Variants in MID1 observed in about 807,000 individuals in gnomAD.
MID1 encodes the protein E3 ubiquitin-protein ligase Midline-1.
Under a neutral mutation model 40.4 loss-of-function variants are expected in MID1, and 7 were observed. The observed-to-expected ratio is 0.17, with a 90% CI of 0.10 to 0.33. The LOEUF (loss-of-function observed/expected upper bound fraction) is 0.33. MID1 is among the 10% of genes least tolerant of loss of function. The pLI is 1.00. For missense variants in MID1, 367 were observed against 558.5 expected, an observed-to-expected ratio of 0.66 and a Z score of 3.46; for synonymous variants, 229 against 221.2, an observed-to-expected ratio of 1.04 and a Z score of -0.31.
At chrX:10,827,136 G>A (rs1019029931) in intron 1 of MID1, among the ~76,000 whole-genome samples, 2 of 111,569 alleles carry the variant, frequency 1.8e-5, no homozygotes, top group Admixed American at 9.5e-5. Flanking sequence ...TAATGCTGAT[G>A]TTTTAGTCAT....
rs757322239 is a variant in MID1, at chrX:10,645,962, G to A, written c.-186-25543C>T. 2.7e-5 allele frequency among the ~76,000 whole-genome samples: 3 copies of A among 111,535 alleles called. No individual in the cohort carries two copies. In the South Asian group the frequency reaches 1.1e-3, roughly 43 times the overall value. ...AACAGGGGAGTTCTGAGACAGATTT[G>A]ATAAGCTCCTCAGAACACTCCCTGG... On this transcript the variant is annotated intron_variant, in intron 1 of 10. Transcript: ENST00000380785.
intron 1 of MID1, among the ~76,000 whole-genome samples, chrX:10,810,646 T>C (rs1242978397): frequency 9.0e-6 from 1 of 110,689 alleles, no homozygotes; most frequent in Non-Finnish European, 1.9e-5. Context: ...CCACCATCAA[T>C]GCATAGAGTT....
intron 1 of MID1, among the ~76,000 whole-genome samples, chrX:10,652,786 C>T (rs1936330198): frequency 9.0e-6 from 1 of 111,522 alleles, no homozygotes; most frequent in Non-Finnish European, 1.9e-5. Flanking sequence ...GCTGTTCTTT[C>T]TGCCCATAGT....
In MID1 at chrX:10,482,946, A is replaced by T. The variant is rs1344597837; in HGVS notation, c.865-318T>A. Among the ~76,000 whole-genome samples, 5 of 112,474 alleles carry T rather than the reference A, an allele frequency of 4.4e-5. No individual in the cohort carries two copies. The Admixed American group carries it at 4.7e-4, about 11-fold the overall frequency. ...CCAGACGTCTTCCCTGGACTATTCCACACAATGACTGCAAGACTGTAGGGA... is the reference window on the plus strand; with the variant it reads ...CCAGACGTCTTCCCTGGACTATTCCTCACAATGACTGCAAGACTGTAGGGA... On this transcript the variant is annotated intron_variant, in intron 4 of 9. Coordinates refer to ENST00000317552, the MANE Select transcript of MID1 (RefSeq NM_000381.4).
chrX:10,785,150 C>A (rs969431462), intron 1 of MID1, among the ~76,000 whole-genome samples: 3 of 111,604 alleles, frequency 2.7e-5, no homozygotes, highest in Non-Finnish European at 5.6e-5. Flanking sequence ...GCAAAACCCA[C>A]AAGCATTCTT....
At chrX:10,580,195 C>A (rs1257362665) in intron 1 of MID1, among the ~76,000 whole-genome samples, 1 of 102,612 alleles carries the variant, frequency 9.7e-6, no homozygotes, top group Non-Finnish European at 2.0e-5. Flanking sequence ...CATGCCCCCC[C>A]CCGCCCCGCC....
At chrX:10,806,255 T>G (rs905356767) in intron 1 of MID1, among the ~76,000 whole-genome samples, 1 of 111,933 alleles carries the variant, frequency 8.9e-6, no homozygotes, top group Admixed American at 9.5e-5. Context: ...TTGTATAAGG[T>G]GTAAGGAAGC....
At chrX:10,564,544 A>T (rs1934452676) in intron 2 of MID1, among the ~76,000 whole-genome samples, 1 of 111,926 alleles carries the variant, frequency 8.9e-6, no homozygotes, top group South Asian at 3.8e-4. Context: ...TAACTAGGAA[A>T]TAAAAAGAAA....
intron 1 of MID1, among the ~76,000 whole-genome samples, chrX:10,742,461 C>T (rs1464485998): frequency 8.9e-6 from 1 of 112,060 alleles, no homozygotes; most frequent in Non-Finnish European, 1.9e-5. Context: ...TTCTAACAAC[C>T]AACCAAGTTA....
chrX:10,602,196 T>C (rs1261915487), intron 1 of MID1, among the ~76,000 whole-genome samples: 1 of 107,462 alleles, frequency 9.3e-6, no homozygotes, highest in Non-Finnish European at 1.9e-5. Context: ...GGATAAAATC[T>C]CTGTAACAAT....
rs1388555666 is a variant in MID1 at position 10,449,482 on chromosome X, G to A, written c.1890C>T (p.Asp630=). 3.3e-6 allele frequency: 4 copies of A among 1,211,520 alleles called. No homozygotes were observed. The highest frequency in any genetic ancestry group is 4.5e-6 in the Non-Finnish European group (4 of 895,299). The change falls in exon 10 of 10, where the codon GAC becomes GAT. Residue 630 remains aspartate, a synonymous_variant. Coordinates refer to ENST00000317552, the MANE Select transcript of MID1 (RefSeq NM_000381.4). ...GGCAAACAGGCTGCGCAAATGCGACGTCGAAGGTGTAGAGGTGGATGGAGT... is the reference window on the plus strand; with the variant it reads ...GGCAAACAGGCTGCGCAAATGCGACATCGAAGGTGTAGAGGTGGATGGAGT... ...ALNSIHLYTF[D]VAFAQPVCPT...
chrX:10,743,306 A>G (rs1468829522), intron 1 of MID1, among the ~76,000 whole-genome samples: 1 of 112,766 alleles, frequency 8.9e-6, no homozygotes, highest in Non-Finnish European at 1.9e-5. Flanking sequence ...ACAAGATTGA[A>G]TTATGGCAAT....
chrX:10,801,169 T>C (rs1016132871), intron 1 of MID1, among the ~76,000 whole-genome samples: 3 of 111,724 alleles, frequency 2.7e-5, no homozygotes, highest in Non-Finnish European at 5.6e-5. Flanking sequence ...CCCTTGGCTT[T>C]AAAAAGTAGT....
intron 5 of MID1, among the ~76,000 whole-genome samples, chrX:10,476,164 C>T (rs1166606329): frequency 9.0e-6 from 1 of 111,257 alleles, no homozygotes. Context: ...CCAAAAAAGG[C>T]AAAAATTCAT....
At chrX:10,548,099 A>C (rs5979319) in intron 2 of MID1, among the ~76,000 whole-genome samples, 24,004 of 111,271 alleles carry the variant, frequency 0.22, 4,286 homozygotes, top group African/African-American at 0.6. Context: ...ATGAAAATGA[A>C]CTGTTGTTAT....
intron 1 of MID1, among the ~76,000 whole-genome samples, chrX:10,742,155 G>C (rs1303058197): frequency 9.0e-6 from 1 of 110,774 alleles, no homozygotes; most frequent in Non-Finnish European, 1.9e-5. Flanking sequence ...TCTCAGATAG[G>C]AGTCTGAAAC....
chrX:10,692,860 TG>T (rs1378943399), intron 1 of MID1, among the ~76,000 whole-genome samples: 2 of 111,545 alleles, frequency 1.8e-5, no homozygotes, highest in African/African-American at 6.5e-5. Context: ...TTCAACATGT[TG>T]GTTTTTCCCA....
At chrX:10,474,532 T>C (rs1875369791) in intron 6 of MID1, 91 bp downstream of exon 6, 1 of 958,603 alleles carries the variant, frequency 1.0e-6, no homozygotes, top group South Asian at 2.0e-5. Flanking sequence ...AAAAGCCCAT[T>C]CCTCTGGTTA....
At chrX:10,498,216 C>A (rs553889328) in intron 3 of MID1, among the ~76,000 whole-genome samples, 2 of 112,150 alleles carry the variant, frequency 1.8e-5, no homozygotes, top group Admixed American at 9.4e-5. Context: ...CAATCCTCCC[C>A]CTTCAGTCTC....
Sources: allele counts gnomAD v4.1 joint callset (sites outside exome capture counted in the v4.1 genomes callset), GRCh38; gene constraint gnomAD v4.1.1; transcripts MANE v1.5; gene names NCBI Gene and HGNC (gene_info 2026-07-23, HGNC 2026-07-21).